IGF1: variants seen among roughly 807,000 people sequenced by gnomAD.
The protein encoded by IGF1 is insulin-like growth factor 1.
IGF1 carries 4 observed loss-of-function variants against 13.8 expected under a neutral mutation model. The ratio of observed to expected loss-of-function variants is 0.29; its 90% CI spans 0.14 to 0.66. IGF1 has a LOEUF of 0.66. Ranked by LOEUF, IGF1 falls within the 30% of genes least tolerant of loss-of-function variation. The pLI is 0.78. For missense variants in IGF1, 124 were observed against 188.5 expected, an observed-to-expected ratio of 0.66 and a Z score of 2.00; for synonymous variants, 76 against 72.6, an observed-to-expected ratio of 1.05 and a Z score of -0.23.
At chr12:102,441,953 T>TC (rs199797730) in intron 2 of IGF1, among the ~76,000 whole-genome samples, 3 of 140,222 alleles carry the variant, frequency 2.1e-5, no homozygotes, top group Admixed American at 1.6e-4. Flanking sequence ...CTTCTTCTTC[T>TC]TCTTTTTTTT....
intron 2 of IGF1, among the ~76,000 whole-genome samples, chr12:102,436,817 A>G (rs753477760): frequency 5.3e-5 from 8 of 152,250 alleles, no homozygotes; most frequent in African/African-American, 1.9e-4. Flanking sequence ...GATTCCATAC[A>G]TAAGTGGCAG....
chr12:102,460,446 TC>T (rs149948658), intron 2 of IGF1, among the ~76,000 whole-genome samples: 2 of 151,992 alleles, frequency 1.3e-5, no homozygotes, highest in African/African-American at 2.4e-5. Flanking sequence ...ATTTCATGGG[TC>T]CCCCCACAAA....
chr12:102,477,239 T>C (rs1881106761), intron 1 of IGF1, among the ~76,000 whole-genome samples: 1 of 151,716 alleles, frequency 6.6e-6, no homozygotes, highest in African/African-American at 2.4e-5. Flanking sequence ...ATGATTTCCA[T>C]TTTTTGTAGT....
rs1875477863 is a variant in IGF1, at chr12:102,419,492, C to T, written c.402+17G>A. On this transcript the variant is annotated intron_variant, in intron 3 of 3. Coordinates refer to ENST00000337514, the MANE Select transcript of IGF1 (RefSeq NM_000618.5). Reference sequence around the variant, plus strand: ...AGACCACTTGAGGATGGCTGGATCCCACCCAGGTGGGCTTACCTTCTGGGT... The same window carrying T: ...AGACCACTTGAGGATGGCTGGATCCTACCCAGGTGGGCTTACCTTCTGGGT... The T allele has an allele frequency of 1.2e-6, 2 of 1,609,808 alleles. No homozygotes were observed. Among genetic ancestry groups the T allele is most frequent in the South Asian group, 1.1e-5 (1 of 90,894 alleles).
At chr12:102,432,878 A>AC (rs1876862150) in intron 2 of IGF1, among the ~76,000 whole-genome samples, 4 of 152,298 alleles carry the variant, frequency 2.6e-5, no homozygotes, top group Admixed American at 2.0e-4. Context: ...ATACATACAT[A>AC]AATACATAAA....
chr12:102,447,671 C>T (rs1027356820), intron 2 of IGF1, among the ~76,000 whole-genome samples: 1 of 152,136 alleles, frequency 6.6e-6, no homozygotes, highest in African/African-American at 2.4e-5. Flanking sequence ...TGACTCTATC[C>T]TATTTGCCAG....
At chr12:102,442,881 T>C (rs1159021834) in intron 2 of IGF1, among the ~76,000 whole-genome samples, 1 of 152,146 alleles carries the variant, frequency 6.6e-6, no homozygotes, top group Non-Finnish European at 1.5e-5. Flanking sequence ...ATCTACCATA[T>C]ATGCCAGGCA....
At chr12:102,451,887 GGTGA>G (rs1308679424) in intron 2 of IGF1, among the ~76,000 whole-genome samples, 2 of 152,054 alleles carry the variant, frequency 1.3e-5, no homozygotes, top group Non-Finnish European at 2.9e-5. Flanking sequence ...TTCTCATGAT[GGTGA>G]GTGAGTTCTC....
chr12:102,441,291 A>G (rs2137091916), intron 2 of IGF1, among the ~76,000 whole-genome samples: 1 of 152,312 alleles, frequency 6.6e-6, no homozygotes, highest in Non-Finnish European at 1.5e-5. Context: ...CAGACTCAAA[A>G]TGTTACAGTC....
intron 3 of IGF1, among the ~76,000 whole-genome samples, chr12:102,416,065 A>G (rs1197369325): frequency 6.6e-6 from 1 of 152,218 alleles, no homozygotes; most frequent in Non-Finnish European, 1.5e-5. Flanking sequence ...CTGGGTTTTC[A>G]GTGAACCACT....
At position 102,478,616 on chromosome 12, in the gene IGF1, G is replaced by C. The variant is rs542617922; in HGVS notation, c.63+1703C>G. On this transcript the variant is annotated intron_variant, in intron 1 of 3. Transcript: ENST00000337514. ...TGCTTTGTGGGTGGGGTTTGTGAAA[G>C]CATCTAGTTACATTTGGACACCCAG... 6 of 1,535,556 alleles carry C rather than the reference G, an allele frequency of 3.9e-6. No homozygotes were observed. The African/African-American group carries it at 8.2e-5, about 21-fold the overall frequency.
chr12:102,417,571 A>T lies in IGF1; in HGVS notation c.402+1938T>A, dbSNP rs571503999. ...TTTTTTTGCCTCTTTTATAATTTTT[A>T]TTTTTTTTTTTCATTTTTGCCACTG... On this transcript the variant is annotated intron_variant, in intron 3 of 3. Transcript: ENST00000337514. The T allele has an allele frequency of 3.6e-4, 368 of 1,008,764 alleles. 1 individual carries two copies. The African/African-American group carries it at 5.4e-3, about 15-fold the overall frequency. 62.5% of individuals were successfully genotyped at this position (1,008,764 alleles called of 1,614,324 possible).
Position 102,475,656 on chromosome 12 carries a change from CCT to C in IGF1, c.205_206del (p.Arg69GlyfsTer25). 6.2e-7 allele frequency: 1 copy of C among 1,614,142 alleles called. No homozygotes were observed. Among genetic ancestry groups the C allele is most frequent in the Non-Finnish European group, 8.5e-7 (1 of 1,180,022 alleles). ...VDALQFVCGDRGFYFNKPTGY... is the reference protein window; with the variant it reads ...VDALQFVCGDXGFYFNKPTGY... Reference sequence around the variant, plus strand: ...AGGGCTACTTACTGAAATAAAAGCCCCTGTCTCCACACACGAACTGAAGAGCA... The same window carrying C: ...AGGGCTACTTACTGAAATAAAAGCCCGTCTCCACACACGAACTGAAGAGCA... On this transcript the variant is annotated frameshift_variant, in exon 2 of 4. Transcript: ENST00000337514. LOFTEE classifies it high-confidence loss of function.
Position 102,398,473 on chromosome 12 carries a change from T to C in IGF1, c.*4034A>G, listed in dbSNP as rs1022499564. On this transcript the variant is annotated 3_prime_UTR_variant, in exon 4 of 4. Transcript: ENST00000337514. The stretch of plus-strand genomic sequence containing the variant: ...AACTTACTTATCTTTTAAATTCTTC[T>C]ATTTGCCTATAAGATCTTTTTTCCC... 14 of 152,364 alleles carry C rather than the reference T, an allele frequency of 9.2e-5. No homozygotes were observed. Among genetic ancestry groups the C allele is most frequent in the African/African-American group, 2.9e-4 (12 of 41,584 alleles). The allele number at this position is 152,364 out of a possible 1,614,324, so 9.4% of individuals were successfully genotyped here. A position where few individuals can be genotyped will look rare whatever the true frequency, so the allele number is the denominator to read the frequency against.
intron 2 of IGF1, among the ~76,000 whole-genome samples, chr12:102,425,473 T>C (rs1876118929): frequency 6.6e-6 from 1 of 152,148 alleles, no homozygotes; most frequent in Middle Eastern, 3.2e-3. Flanking sequence ...TCTCAGCTAC[T>C]AAATCCCCAT....
chr12:102,474,039 G>C (rs1397554837), intron 2 of IGF1, among the ~76,000 whole-genome samples: 3 of 152,072 alleles, frequency 2.0e-5, no homozygotes, highest in Non-Finnish European at 4.4e-5. Flanking sequence ...TGCACAAATG[G>C]ATTATCAAGG....
chr12:102,478,093 T>C (rs1321933666), intron 1 of IGF1, among the ~76,000 whole-genome samples: 4 of 151,638 alleles, frequency 2.6e-5, no homozygotes, highest in East Asian at 1.9e-4. Context: ...TCCTTTAGTG[T>C]AGGGAACAGT....
intron 2 of IGF1, among the ~76,000 whole-genome samples, chr12:102,424,562 T>G (rs1408277126): frequency 6.6e-6 from 1 of 152,162 alleles, no homozygotes; most frequent in Non-Finnish European, 1.5e-5. Context: ...GCCGCCTTAT[T>G]TAATATAAAT....
chr12:102,475,557 G>C, intron 2 of IGF1, 86 bp downstream of exon 2: 1 of 1,476,754 alleles, frequency 6.8e-7, no homozygotes, highest in Admixed American at 1.7e-5. Context: ...CACTCATTCA[G>C]TTATTCACAC....
Sources: allele counts gnomAD v4.1 joint callset (sites outside exome capture counted in the v4.1 genomes callset), GRCh38; gene constraint gnomAD v4.1.1; transcripts MANE v1.5; gene names NCBI Gene and HGNC (gene_info 2026-07-23, HGNC 2026-07-21).